CEACAM4: variants seen among roughly 807,000 people sequenced by gnomAD.
The protein encoded by CEACAM4 is cell adhesion molecule CEACAM4.
In CEACAM4, 30 loss-of-function variants were observed where a neutral mutation model predicts 28.7. The observed-to-expected ratio is 1.05, with a 90% CI of 0.78 to 1.42. The LOEUF (loss-of-function observed/expected upper bound fraction) is 1.42, where lower values mean the gene tolerates loss of function less well. CEACAM4 is among the 40% of genes most tolerant of loss of function. The probability of loss-of-function intolerance (pLI) is 0.00; values close to 1 mark genes in which losing one functional copy is unlikely to be tolerated. For missense variants in CEACAM4, 330 were observed against 308.2 expected (o/e 1.07, Z -0.53); for synonymous variants, 143 against 126.5 (o/e 1.13, Z -0.87).
intron 6 of CEACAM4, 135 bp downstream of exon 6, chr19:41,619,535 C>T (rs782768137): frequency 6.6e-5 from 102 of 1,540,480 alleles, no homozygotes; most frequent in Middle Eastern, 3.4e-4. Context: ...CCAGGCCCCT[C>T]CCTCCTCTGC....
In CEACAM4 at chr19:41,619,030, T is replaced by C. The variant is rs781957290; in HGVS notation, c.*300A>G. 11 of 436,432 alleles carry C rather than the reference T, an allele frequency of 2.5e-5. No individual in the cohort carries two copies. The highest frequency in any genetic ancestry group is 4.0e-5 in the Non-Finnish European group (10 of 247,556). 27.0% of individuals were successfully genotyped at this position (436,432 alleles called of 1,614,324 possible). Reference sequence around the variant, plus strand: ...AAAGAGCCAATGAGAGGAAGGGTCCTCTTTATTCAGATCCTTTCCTGGTGA... The same window carrying C: ...AAAGAGCCAATGAGAGGAAGGGTCCCCTTTATTCAGATCCTTTCCTGGTGA... On this transcript the variant is annotated 3_prime_UTR_variant, in exon 7 of 7. Transcript: ENST00000221954.
chr19:41,621,024 A>G (rs1258151731), intron 3 of CEACAM4, among the ~76,000 whole-genome samples: 3 of 151,984 alleles, frequency 2.0e-5, no homozygotes, highest in Non-Finnish European at 4.4e-5. Context: ...AGGAGCATGT[A>G]TCATATTCTC....
downstream of CEACAM4, among the ~76,000 whole-genome samples, chr19:41,615,511 T>C (rs1416555584): frequency 6.6e-6 from 1 of 152,074 alleles, no homozygotes; most frequent in Non-Finnish European, 1.5e-5. Flanking sequence ...GTACATGGCA[T>C]GGACCCAGGT....
In CEACAM4 at chr19:41,625,610, G is replaced by A. The variant is rs781891375; in HGVS notation, c.415C>T (p.His139Tyr). The A allele has an allele frequency of 1.3e-6, 2 of 1,574,128 alleles. No individual in the cohort carries two copies. The highest frequency in any genetic ancestry group is 1.7e-6 in the Non-Finnish European group (2 of 1,158,548). The change falls in exon 2 of 7, where the codon CAC (histidine) becomes TAC (tyrosine). Residue 139 changes from histidine (H) to tyrosine (Y), a missense_variant. Transcript: ENST00000221954. ...YDSDQATGQL[H>Y]VHQNNVPGLP... ...TGGGGGAATCACTCACGGTGTACGT[G>A]GAGCTGGCCAGTTGCTTGGTCAGAG...
At position 41,619,726 on chromosome 19, in the gene CEACAM4, G is replaced by A. The variant is rs782668392; in HGVS notation, c.628-15C>T. ...GGTAGAGGGGCCTGGGCAGGGGAGA[G>A]AGGAGATGTCAGGGGACAGGGAGGG... On this transcript the variant is annotated splice_polypyrimidine_tract_variant and intron_variant, in intron 5 of 6. Transcript: ENST00000221954. The A allele has an allele frequency of 6.4e-7, 1 of 1,556,676 alleles. No homozygotes were observed. Among genetic ancestry groups the A allele is most frequent in the African/African-American group, 1.4e-5 (1 of 73,016 alleles).
intron 5 of CEACAM4, 33 bp downstream of exon 5, chr19:41,620,178 A>G (rs1555800578): frequency 6.7e-7 from 1 of 1,493,160 alleles, no homozygotes. Flanking sequence ...TTGGGACCCC[A>G]GTAGAAAAGG....
In CEACAM4 at chr19:41,625,877, C is replaced by T; in HGVS notation, c.148G>A (p.Asp50Asn). 2 of 1,613,998 alleles carry T rather than the reference C, an allele frequency of 1.2e-6. No individual in the cohort carries two copies. Among genetic ancestry groups the T allele is most frequent in the Middle Eastern group, 3.3e-4 (2 of 6,062 alleles). Residue 50 changes from aspartate (D) to asparagine (N), a missense_variant, in exon 2 of 7, where the codon GAT (aspartate) becomes AAT (asparagine). Physicochemically the swap from Asp to Asn is conservative, Grantham distance 23 (BLOSUM62 1). Transcript: ENST00000221954. ...ALPSSAAEGK[D>N]VLLLACNISE... ...ATATTGCAGGCCAGTAGAAGAACAT[C>T]CTTTCCCTCTGCAGCACTGGACGGC... is the stretch of plus-strand genomic sequence containing the variant.
At chr19:41,625,284 C>A (rs1480185095) in intron 2 of CEACAM4, among the ~76,000 whole-genome samples, 1 of 152,196 alleles carries the variant, frequency 6.6e-6, no homozygotes, top group Non-Finnish European at 1.5e-5. Context: ...CGCCCTCAGG[C>A]CAGGCCCTGA....
At chr19:41,621,627 G>A in intron 3 of CEACAM4, 24 bp downstream of exon 3, 2 of 1,369,110 alleles carry the variant, frequency 1.5e-6, no homozygotes, top group Non-Finnish European at 2.1e-6. Flanking sequence ...GGGGTGGGAG[G>A]AGGCTGGGGA....
At chr19:41,620,323 C>T in intron 4 of CEACAM4, 81 bp from the exon 5 acceptor site, 2 of 1,269,240 alleles carry the variant, frequency 1.6e-6, no homozygotes, top group Non-Finnish European at 1.1e-6. Context: ...GGGTCCTCAG[C>T]TCCCAGAGAA....
intron 2 of CEACAM4, 32 bp from the exon 3 acceptor site, chr19:41,621,800 C>T (rs1218238048): frequency 5.3e-6 from 7 of 1,325,832 alleles, no homozygotes; most frequent in Non-Finnish European, 7.6e-6. Flanking sequence ...GGGGACAAGG[C>T]CCAAGTTTGT....
At chr19:41,613,520 T>C in the CEACAM4 span, among the ~76,000 whole-genome samples, 4 of 146,254 alleles carry the variant, frequency 2.7e-5, no homozygotes, top group South Asian at 2.2e-4. Flanking sequence ...CACACACACA[T>C]ACACCCACAC....
rs782304135 is a variant in CEACAM4 at position 41,625,842 on chromosome 19, AG to A, written c.182del (p.Thr61IlefsTer23). 9 of 1,613,810 alleles carry A rather than the reference AG, an allele frequency of 5.6e-6. No homozygotes were observed. The highest frequency in any genetic ancestry group is 4.4e-5 in the South Asian group (4 of 91,086). ...VLLLACNISE[T>X]IQAYYWHKGK... ...CCTTGTGCCAATAATAGGCTTGAAT[AG>A]TTTCTGAAATATTGCAGGCCAGTAG... On this transcript the variant is annotated frameshift_variant, in exon 2 of 7. Coordinates refer to ENST00000221954, the MANE Select transcript of CEACAM4 (RefSeq NM_001817.4). LOFTEE classifies it high-confidence loss of function.
chr19:41,620,832 C>A (rs1366198371), intron 3 of CEACAM4, among the ~76,000 whole-genome samples: 1 of 151,632 alleles, frequency 6.6e-6, no homozygotes, highest in East Asian at 1.9e-4. Context: ...AGAGGAAGGA[C>A]CCCCCCAGGC....
rs2071187051 is a variant in CEACAM4 at position 41,620,253 on chromosome 19, A to G, written c.596-11T>C. 6.8e-7 allele frequency: 1 copy of G among 1,474,304 alleles called. No homozygotes were observed. 91.3% of individuals were successfully genotyped at this position (1,474,304 alleles called of 1,614,324 possible). A position where few individuals can be genotyped will look rare whatever the true frequency, so the allele number is the denominator to read the frequency against. The stretch of plus-strand genomic sequence containing the variant: ...GAGAGGGACCATGGCCTGGGGACAG[A>G]GACAGGAGTGAGCAGCAGGGTGGGA... On this transcript the variant is annotated splice_polypyrimidine_tract_variant and intron_variant, in intron 4 of 6. Transcript: ENST00000221954.
At chr19:41,614,439 G>A (rs782477728), downstream of CEACAM4, among the ~76,000 whole-genome samples, 7 of 152,202 alleles carry the variant, frequency 4.6e-5, no homozygotes, top group Non-Finnish European at 8.8e-5. Context: ...CAATGTTGCT[G>A]TAGGGACTAA....
chr19:41,620,381 C>T (rs1361758072), intron 4 of CEACAM4, 139 bp from the exon 5 acceptor site: 12 of 924,910 alleles, frequency 1.3e-5, no homozygotes, highest in Non-Finnish European at 1.7e-5. Context: ...CAGCTGAGGT[C>T]GAGGAGGTGA....
downstream of CEACAM4, among the ~76,000 whole-genome samples, chr19:41,616,644 G>A (rs1240486488): frequency 6.6e-6 from 1 of 152,152 alleles, no homozygotes; most frequent in African/African-American, 2.4e-5. Context: ...CCAAGCACAA[G>A]GCTCAGCCTG....
chr19:41,615,156 CAG>C (rs2070970451), downstream of CEACAM4, among the ~76,000 whole-genome samples: 1 of 151,938 alleles, frequency 6.6e-6, no homozygotes, highest in Non-Finnish European at 1.5e-5. Flanking sequence ...GGGCGGTGAA[CAG>C]AGGTGTGTTA....
Sources: allele counts gnomAD v4.1 joint callset (sites outside exome capture counted in the v4.1 genomes callset), GRCh38; gene constraint gnomAD v4.1.1; transcripts MANE v1.5; gene names NCBI Gene and HGNC (gene_info 2026-07-23, HGNC 2026-07-21).